The following CNBD1 variants were observed in gnomAD, a reference collection of about 807,000 sequenced individuals.
CNBD1 encodes the protein cyclic nucleotide-binding domain-containing protein 1.
In CNBD1, 71 loss-of-function variants were observed where a neutral mutation model predicts 54.4. That is an observed-to-expected ratio of 1.30 (90% CI 1.08 to 1.59). The LOEUF (loss-of-function observed/expected upper bound fraction) is 1.59. CNBD1 is among the 40% of genes most tolerant of loss of function. CNBD1 has a pLI of 0.00. For synonymous variants in CNBD1, 182 were observed against 170.7 expected (o/e 1.07, Z -0.51); for missense variants, 659 against 518.0 (o/e 1.27, Z -2.64).
intron 4 of CNBD1, among the ~76,000 whole-genome samples, chr8:86,966,297 C>T (rs1808072968): frequency 6.6e-6 from 1 of 152,184 alleles, no homozygotes; most frequent in African/African-American, 2.4e-5. Context: ...GGGGCTCTTC[C>T]CCAACTCCCA....
At chr8:87,315,971 T>A (rs1481475944) in intron 8 of CNBD1, among the ~76,000 whole-genome samples, 1 of 152,004 alleles carries the variant, frequency 6.6e-6, no homozygotes, top group East Asian at 1.9e-4. Context: ...ATGTGCCCCA[T>A]GAATATATAC....
chr8:86,923,563 A>T (rs1809310582), intron 3 of CNBD1, among the ~76,000 whole-genome samples: 1 of 151,670 alleles, frequency 6.6e-6, no homozygotes, highest in Admixed American at 6.6e-5. Flanking sequence ...GATTGGACTC[A>T]GATTCCCCGC....
intron 10 of CNBD1, among the ~76,000 whole-genome samples, chr8:87,355,715 G>A (rs758226850): frequency 1.3e-5 from 2 of 152,168 alleles, no homozygotes; most frequent in African/African-American, 4.8e-5. Flanking sequence ...TAAATTGAAA[G>A]TTGTTCATGA....
chr8:87,414,329 C>A (rs1056316491), intron 2 of CNBD1, among the ~76,000 whole-genome samples: 4 of 151,786 alleles, frequency 2.6e-5, no homozygotes, highest in African/African-American at 4.8e-5. Context: ...CAATGAGAAC[C>A]CATGGACACA....
In CNBD1 at chr8:87,395,524, A is replaced by G. The variant is rs62528170; in HGVS notation, c.214-33022A>G. Reference sequence around the variant, plus strand: ...AAAAAGTAGTTCTGAGTATAATAGAAGTATAAAAATATTAAAAGTATTGTT... The same window carrying G: ...AAAAAGTAGTTCTGAGTATAATAGAGGTATAAAAATATTAAAAGTATTGTT... On this transcript the variant is annotated intron_variant, in intron 2 of 7. Coordinates refer to the CNBD1 transcript ENST00000521593. Among the ~76,000 whole-genome samples the G allele has an allele frequency of 6.2e-3, 947 of 151,810 alleles. 2 individuals carry two copies. The highest frequency in any genetic ancestry group is 0.011 in the Non-Finnish European group (741 of 67,914).
chr8:87,211,280 T>A (rs1814092793), intron 5 of CNBD1, among the ~76,000 whole-genome samples: 1 of 152,106 alleles, frequency 6.6e-6, no homozygotes, highest in Non-Finnish European at 1.5e-5. Flanking sequence ...GGCTCATAGG[T>A]GGGAGGAACA....
Position 87,391,693 on chromosome 8 carries a change from C to T in CNBD1, c.214-36853C>T, listed in dbSNP as rs574418393. ...GCACAAAAATTGACTCTAAATGGGT[C>T]GTAGAGATCATAGACTTAATTGTAA... On this transcript the variant is annotated intron_variant, in intron 2 of 7. Coordinates refer to the CNBD1 transcript ENST00000521593. 1.1e-4 allele frequency among the ~76,000 whole-genome samples: 17 copies of T among 152,002 alleles called. No homozygotes were observed. The South Asian group carries it at 2.3e-3, about 20-fold the overall frequency.
At chr8:87,259,521 A>G (rs28824018) in intron 6 of CNBD1, among the ~76,000 whole-genome samples, 44,701 of 152,138 alleles carry the variant, frequency 0.29, 7,273 homozygotes, top group African/African-American at 0.43. Flanking sequence ...CAACTAAAAG[A>G]CATTACTGTT....
intron 4 of CNBD1, among the ~76,000 whole-genome samples, chr8:87,077,671 G>A (rs1810903147): frequency 6.7e-6 from 1 of 150,374 alleles, no homozygotes; most frequent in African/African-American, 2.4e-5. Context: ...TGTGGCGTTT[G>A]GTTTTCTGTC....
intron 4 of CNBD1, among the ~76,000 whole-genome samples, chr8:87,003,905 C>G (rs1809042539): frequency 1.3e-5 from 2 of 152,102 alleles, no homozygotes; most frequent in Admixed American, 6.6e-5. Context: ...TTCTCTTGTA[C>G]TCTAGTCTCC....
chr8:87,277,013 T>G (rs1045371038), intron 6 of CNBD1, among the ~76,000 whole-genome samples: 3 of 151,646 alleles, frequency 2.0e-5, no homozygotes, highest in Non-Finnish European at 2.9e-5. Flanking sequence ...CTGGTTGAAT[T>G]AACTATTCAA....
intron 4 of CNBD1, among the ~76,000 whole-genome samples, chr8:86,988,011 T>A (rs1808647576): frequency 6.6e-6 from 1 of 152,276 alleles, no homozygotes; most frequent in Admixed American, 6.5e-5. Flanking sequence ...GCTAGCTTAA[T>A]ATAATGAGCA....
At chr8:87,263,850 A>C (rs1026258238) in intron 6 of CNBD1, among the ~76,000 whole-genome samples, 2 of 152,180 alleles carry the variant, frequency 1.3e-5, no homozygotes, top group Non-Finnish European at 2.9e-5. Flanking sequence ...ATATACTAAG[A>C]GGAAATTAAT....
chr8:87,052,605 T>C (rs530894818), intron 4 of CNBD1, among the ~76,000 whole-genome samples: 2 of 152,224 alleles, frequency 1.3e-5, no homozygotes, highest in Non-Finnish European at 2.9e-5. Context: ...GTTCCTGTTA[T>C]TGTTCTCTAA....
intron 6 of CNBD1, among the ~76,000 whole-genome samples, chr8:87,280,372 C>T (rs16898285): frequency 0.28 from 42,539 of 151,144 alleles, 6,434 homozygotes; most frequent in African/African-American, 0.39. Flanking sequence ...CTAATAGAAA[C>T]TCATTCAAGA....
chr8:86,949,962 T>TG lies in CNBD1; in HGVS notation c.431+10208_431+10209insG, dbSNP rs1563833542. On this transcript the variant is annotated intron_variant, in intron 4 of 10. Coordinates refer to ENST00000518476, the MANE Select transcript of CNBD1 (RefSeq NM_173538.3). Reference sequence around the variant, plus strand: ...TCATCAAATGCTTTTTTTTTTTTTTTTTTTTTTTTTTTGAGATGGAGTCTC... The same window carrying TG: ...TCATCAAATGCTTTTTTTTTTTTTTTGTTTTTTTTTTTTGAGATGGAGTCTC... Among the ~76,000 whole-genome samples the TG allele has an allele frequency of 1.3e-3, 167 of 130,844 alleles. 8 individuals are homozygous for TG. Among genetic ancestry groups the TG allele is most frequent in the African/African-American group, 4.8e-3 (164 of 34,350 alleles). The allele number at this position is 130,844 out of a possible 152,430, so 85.8% of individuals were successfully genotyped here.
chr8:86,866,894 C>T (rs1170082610), intron 1 of CNBD1, among the ~76,000 whole-genome samples: 1 of 152,154 alleles, frequency 6.6e-6, no homozygotes, highest in African/African-American at 2.4e-5. Context: ...ACATGTTCCA[C>T]CAGCTATCAG....
intron 8 of CNBD1, among the ~76,000 whole-genome samples, chr8:87,329,061 A>G (rs958846349): frequency 4.7e-5 from 7 of 148,948 alleles, no homozygotes; most frequent in Admixed American, 4.0e-4. Context: ...TTTTTATTTT[A>G]AATTTAGGTC....
At chr8:87,051,028 G>A (rs1810300492) in intron 4 of CNBD1, among the ~76,000 whole-genome samples, 1 of 152,188 alleles carries the variant, frequency 6.6e-6, no homozygotes, top group Non-Finnish European at 1.5e-5. Flanking sequence ...TCCACTAAGA[G>A]GAGATAAAGA....
Sources: allele counts gnomAD v4.1 joint callset (sites outside exome capture counted in the v4.1 genomes callset), GRCh38; gene constraint gnomAD v4.1.1; transcripts MANE v1.5; gene names NCBI Gene and HGNC (gene_info 2026-07-23, HGNC 2026-07-21).